Variants in CHADL observed in about 807,000 individuals in gnomAD.
The protein encoded by CHADL is chondroadherin like.
CHADL carries 48 observed loss-of-function variants against 52.1 expected under a neutral mutation model. The ratio of observed to expected loss-of-function variants is 0.92; its 90% CI spans 0.73 to 1.17. The LOEUF (loss-of-function observed/expected upper bound fraction) is 1.17, where lower values mean the gene tolerates loss of function less well. Among genes scored for constraint, CHADL ranks in the 50% most tolerant of loss-of-function variants. CHADL has a pLI of 0.00. For missense variants in CHADL, 977 were observed against 1,035.1 expected (o/e 0.94, Z 0.77); for synonymous variants, 498 against 511.2 (o/e 0.97, Z 0.35).
chr22:41,234,941 G>T (rs916923634), intron 5 of CHADL, among the ~76,000 whole-genome samples: 1 of 152,044 alleles, frequency 6.6e-6, no homozygotes, highest in Admixed American at 6.5e-5. Flanking sequence ...CGCCCACCTC[G>T]GCCTCCTGAA....
chr22:41,240,071 G>C (rs968866109), intron 1 of CHADL, among the ~76,000 whole-genome samples: 9 of 152,080 alleles, frequency 5.9e-5, no homozygotes, highest in Non-Finnish European at 8.8e-5. Context: ...CCGGGTCCTT[G>C]AGTCTTTTTT....
chr22:41,229,664 C>G lies in CHADL; in HGVS notation c.*40G>C. The G allele has an allele frequency of 6.2e-7, 1 of 1,613,256 alleles. No individual in the cohort carries two copies. The highest frequency in any genetic ancestry group is 8.5e-7 in the Non-Finnish European group (1 of 1,180,022). Reference sequence around the variant, plus strand: ...AGCCTGTTCCTGGCGAGAGTAAGAGCCACCGGGCTGGGTCAAGGCAGGACC... The same window carrying G: ...AGCCTGTTCCTGGCGAGAGTAAGAGGCACCGGGCTGGGTCAAGGCAGGACC... On this transcript the variant is annotated 3_prime_UTR_variant, in exon 6 of 6. Coordinates refer to ENST00000216241, the MANE Select transcript of CHADL (RefSeq NM_138481.2).
rs1314560413 is a variant in CHADL at position 41,238,243 on chromosome 22, A to G, written c.829T>C (p.Cys277Arg). 6.5e-7 allele frequency: 1 copy of G among 1,530,060 alleles called. No homozygotes were observed. Among genetic ancestry groups the G allele is most frequent in the East Asian group, 2.5e-5 (1 of 40,520 alleles). The allele number at this position is 1,530,060 out of a possible 1,614,324, so 94.8% of individuals were successfully genotyped here. ...AGGTCGAGGGTGTGCAGGCGCGGAC[A>G]GTGTGCGAAGGCCCTGGGACCCAGG... ...QALGPRAFAH[C>R]PRLHTLDLRG... The change falls in exon 3 of 6, where the codon TGT becomes CGT. Residue 277 changes from cysteine to arginine, a missense_variant. Coordinates refer to ENST00000216241, the MANE Select transcript of CHADL (RefSeq NM_138481.2). The surrounding 1 kb of genome is among the most constrained non-coding windows in gnomAD (Gnocchi z 4.9).
intron 5 of CHADL, chr22:41,231,259 C>T (rs1337549629): frequency 6.6e-6 from 1 of 152,200 alleles, no homozygotes; most frequent in Non-Finnish European, 1.5e-5. Context: ...AATTAAACCC[C>T]CTGCTTGCTT....
chr22:41,230,574 C>T, intron 5 of CHADL: 1 of 348,546 alleles, frequency 2.9e-6, no homozygotes, highest in Non-Finnish European at 5.3e-6. Context: ...CCCCCCGACC[C>T]GCCACGGCCC....
At chr22:41,239,319 A>C (rs928486892) in intron 2 of CHADL, 124 bp downstream of exon 2, 1 of 792,474 alleles carries the variant, frequency 1.3e-6, no homozygotes, top group Non-Finnish European at 2.0e-6. Context: ...CTCAAAGAGA[A>C]GTAATTTGCC....
In CHADL at chr22:41,235,012, C is replaced by T. The variant is rs571193601; in HGVS notation, c.2262+133G>A. 35 of 914,850 alleles carry T rather than the reference C, an allele frequency of 3.8e-5. 1 individual carries two copies. Among genetic ancestry groups the T allele is most frequent in the African/African-American group, 6.6e-5 (4 of 60,626 alleles). The allele number at this position is 914,850 out of a possible 1,614,324, so 56.7% of individuals were successfully genotyped here. A position where few individuals can be genotyped will look rare whatever the true frequency, so the allele number is the denominator to read the frequency against. The stretch of plus-strand genomic sequence containing the variant: ...CCTCGGATGGACATTATTGAACTGA[C>T]GCAACTGGGTCATTGCCCAGCTCTG... On this transcript the variant is annotated intron_variant, in intron 5 of 5. Transcript: ENST00000216241.
Position 41,239,663 on chromosome 22 carries a change from C to CATTTTT in CHADL, c.9-44_9-43insAAAAAT. ...AGTCTGTTGTGCACAAGGGCCGAGG[C>CATTTTT]CACATGCTGTCCCTCACTTAGTCCC... On this transcript the variant is annotated intron_variant, in intron 1 of 5. Transcript: ENST00000216241. 1.4e-6 allele frequency: 2 copies of CATTTTT among 1,451,618 alleles called. 1 individual carries two copies. The allele number at this position is 1,451,618 out of a possible 1,614,324, so 89.9% of individuals were successfully genotyped here.
intron 5 of CHADL, 132 bp from the exon 6 acceptor site, chr22:41,229,862 GC>G: frequency 1.2e-6 from 1 of 849,184 alleles, no homozygotes; most frequent in Admixed American, 2.0e-5. Context: ...CTCTAGCCCG[GC>G]CCCGGCCCCT....
chr22:41,238,455 G>T lies in CHADL; in HGVS notation c.617C>A (p.Pro206His). The change falls in exon 3 of 6, where the codon CCC becomes CAC. Residue 206 changes from proline to histidine, a missense_variant. Pro to His is a moderately conservative substitution (Grantham distance 77, BLOSUM62 -2). Transcript: ENST00000216241. This position sits in a 1 kb window ranked among gnomAD's most constrained non-coding sequence, Gnocchi z 4.9. ...GTGTAGGCTGAGCCGTCTCAGGGCG[G>T]GCAGGCCAGCCAGGGCCTCGGGGGC... is the stretch of plus-strand genomic sequence containing the variant. Reference protein sequence around the residue: ...VLAPEALAGLPALRRLSLHHN... With the variant: ...VLAPEALAGLHALRRLSLHHN... 6.5e-7 allele frequency: 1 copy of T among 1,530,114 alleles called. No homozygotes were observed. Among genetic ancestry groups the T allele is most frequent in the African/African-American group, 1.4e-5 (1 of 72,844 alleles). 94.8% of individuals were successfully genotyped at this position (1,530,114 alleles called of 1,614,324 possible). A position where few individuals can be genotyped will look rare whatever the true frequency, so the allele number is the denominator to read the frequency against.
At chr22:41,234,987 C>G (rs1362373360) in intron 5 of CHADL, among the ~76,000 whole-genome samples, 158 bp downstream of exon 5, 5 of 152,260 alleles carry the variant, frequency 3.3e-5, no homozygotes, top group African/African-American at 4.8e-5. Flanking sequence ...CCGCGCCCAG[C>G]CTCGGATGGA....
At chr22:41,232,598 T>C (rs1260679472) in intron 5 of CHADL, among the ~76,000 whole-genome samples, 4 of 152,168 alleles carry the variant, frequency 2.6e-5, no homozygotes, top group Non-Finnish European at 1.5e-5. Flanking sequence ...TTTGTATTCC[T>C]GGGAGGAAAC....
In CHADL at chr22:41,237,860, G is replaced by A. The variant is rs1176877171; in HGVS notation, c.1212C>T (p.Pro404=). Residue 404 remains proline, a synonymous_variant, in exon 3 of 6, where the codon CCC becomes CCT. Transcript: ENST00000216241. ...CCTCGCAGCTGCTGTGCCGGGACTC[G>A]GGGACGCACACGCAGGCGCGAGGGC... ...APCPRACVCV[P]ESRHSSCEGC... is the part of the protein sequence containing the mutation. The A allele has an allele frequency of 2.1e-6, 3 of 1,416,274 alleles. No homozygotes were observed. The South Asian group carries it at 4.6e-5, about 22-fold the overall frequency. 87.7% of individuals were successfully genotyped at this position (1,416,274 alleles called of 1,614,324 possible). A position where few individuals can be genotyped will look rare whatever the true frequency, so the allele number is the denominator to read the frequency against.
chr22:41,234,979 G>A (rs534230359), intron 5 of CHADL, among the ~76,000 whole-genome samples, 166 bp downstream of exon 5: 10 of 152,266 alleles, frequency 6.6e-5, no homozygotes, highest in African/African-American at 1.9e-4. Flanking sequence ...GTGAGCCACC[G>A]CGCCCAGCCT....
chr22:41,238,877 C>T lies in CHADL; in HGVS notation c.195G>A (p.Gln65=), dbSNP rs901861253. 6.5e-7 allele frequency: 1 copy of T among 1,534,512 alleles called. No homozygotes were observed. The highest frequency in any genetic ancestry group is 1.4e-5 in the African/African-American group (1 of 72,770). ...GCAAATTGCCCTGCAGGTCCAGCCGCTGGGTCAGCTGGGGACAGCGAGGAG... is the reference window on the plus strand; with the variant it reads ...GCAAATTGCCCTGCAGGTCCAGCCGTTGGGTCAGCTGGGGACAGCGAGGAG... The part of the protein sequence containing the change: ...EVPDAIPELT[Q]RLDLQGNLLK... Residue 65 remains glutamine (Q), a synonymous_variant, in exon 3 of 6, where the codon CAG becomes CAA. Transcript: ENST00000216241. This position sits in a 1 kb window ranked among gnomAD's most constrained non-coding sequence, Gnocchi z 4.9.
At chr22:41,231,883 AAAGGGATGC>A (rs1235096152) in intron 5 of CHADL, among the ~76,000 whole-genome samples, 9 of 152,116 alleles carry the variant, frequency 5.9e-5, no homozygotes, top group African/African-American at 2.2e-4. Context: ...TGCTGCAGGG[AAAGGGATGC>A]AAGGGAACTC....
At position 41,240,917 on chromosome 22, in the gene CHADL, G is replaced by A. The variant is rs755572016; in HGVS notation, c.-36C>T. The A allele has an allele frequency of 6.5e-7, 1 of 1,544,882 alleles. No individual in the cohort carries two copies. The highest frequency in any genetic ancestry group is 1.2e-5 in the South Asian group (1 of 83,292). ...ACTGCTGGTCCAGCCTGGAGGCGCA[G>A]CGCAGGGACAGGCTGTCCCCGCCTG... On this transcript the variant is annotated 5_prime_UTR_variant, in exon 1 of 6. Coordinates refer to ENST00000216241, the MANE Select transcript of CHADL (RefSeq NM_138481.2).
intron 4 of CHADL, among the ~76,000 whole-genome samples, chr22:41,235,684 C>T (rs553929666): frequency 1.5e-4 from 23 of 152,286 alleles, no homozygotes; most frequent in African/African-American, 4.3e-4. Flanking sequence ...GGGCTTACAA[C>T]GTAGCAGACA....
intron 5 of CHADL, among the ~76,000 whole-genome samples, chr22:41,232,555 G>A (rs1345913249): frequency 6.6e-6 from 1 of 152,136 alleles, no homozygotes; most frequent in African/African-American, 2.4e-5. Flanking sequence ...CAGTGCCTGA[G>A]CCTCAAGATA....
Sources: allele counts gnomAD v4.1 joint callset (sites outside exome capture counted in the v4.1 genomes callset), GRCh38; gene constraint gnomAD v4.1.1; non-coding constraint Gnocchi (gnomAD v3.1); transcripts MANE v1.5; gene names NCBI Gene and HGNC (gene_info 2026-07-23, HGNC 2026-07-21).